Variants in RGS20 observed in about 807,000 individuals in gnomAD.
The protein encoded by RGS20 is regulator of G protein signaling 20, also known as gz-selective GTPase-activating protein.
A neutral mutation model predicts 33.6 loss-of-function variants in RGS20; 30 were observed. That is an observed-to-expected ratio of 0.89 (90% confidence interval 0.67 to 1.21). RGS20 has a LOEUF of 1.21. Ranked by LOEUF, RGS20 falls within the 50% of genes most tolerant of loss-of-function variation. The pLI is 0.00. For synonymous variants in RGS20, 208 were observed against 197.9 expected, an observed-to-expected ratio of 1.05 and a Z score of -0.43; for missense variants, 472 against 502.4, an observed-to-expected ratio of 0.94 and a Z score of 0.58.
intron 2 of RGS20, among the ~76,000 whole-genome samples, chr8:53,891,480 G>A (rs1812707328): frequency 6.6e-6 from 1 of 152,082 alleles, no homozygotes; most frequent in Non-Finnish European, 1.5e-5. Flanking sequence ...AATTAGCCAG[G>A]TGTGGTGGCG....
intron 1 of RGS20, among the ~76,000 whole-genome samples, chr8:53,872,243 TTC>T (rs2129271756): frequency 6.6e-6 from 1 of 152,352 alleles, no homozygotes; most frequent in Non-Finnish European, 1.5e-5. Context: ...AGTCATCATC[TTC>T]TTTCTTATTC....
intron 2 of RGS20, among the ~76,000 whole-genome samples, chr8:53,922,746 C>T (rs550994339): frequency 4.1e-4 from 63 of 152,202 alleles, no homozygotes; most frequent in South Asian, 1.7e-3. Flanking sequence ...AATCATAGCT[C>T]GAACTCCTGG....
chr8:53,937,310 T>TAAAC (rs1814163831), intron 2 of RGS20, among the ~76,000 whole-genome samples: 1 of 151,200 alleles, frequency 6.6e-6, no homozygotes, highest in African/African-American at 2.4e-5. Flanking sequence ...AATAAATAAA[T>TAAAC]AAACATAAAA....
intron 4 of RGS20, among the ~76,000 whole-genome samples, chr8:53,953,107 A>C (rs1390975951): frequency 6.6e-6 from 1 of 152,226 alleles, no homozygotes; most frequent in Non-Finnish European, 1.5e-5. Context: ...TAATGAGTAC[A>C]ATGTACACTA....
At chr8:53,938,057 T>A (rs1029182909) in intron 2 of RGS20, among the ~76,000 whole-genome samples, 2 of 152,150 alleles carry the variant, frequency 1.3e-5, no homozygotes, top group Non-Finnish European at 1.5e-5. Flanking sequence ...GGATTAGAAA[T>A]CATTCTACTA....
At chr8:53,856,052 T>C (rs1013089598) in intron 1 of RGS20, among the ~76,000 whole-genome samples, 1 of 152,186 alleles carries the variant, frequency 6.6e-6, no homozygotes, top group African/African-American at 2.4e-5. Flanking sequence ...GACTGTAGTT[T>C]CCTGGGCTTG....
chr8:53,856,445 C>G (rs965623889), intron 1 of RGS20, among the ~76,000 whole-genome samples: 1 of 152,126 alleles, frequency 6.6e-6, no homozygotes, highest in South Asian at 2.1e-4. Flanking sequence ...TCACAGACTC[C>G]TGATCTCATG....
At chr8:53,929,443 G>T (rs1197395577) in intron 2 of RGS20, among the ~76,000 whole-genome samples, 1 of 152,144 alleles carries the variant, frequency 6.6e-6, no homozygotes, top group Non-Finnish European at 1.5e-5. Context: ...CACTTTGGGA[G>T]GCTGAGGCGG....
intron 2 of RGS20, among the ~76,000 whole-genome samples, chr8:53,908,861 A>T (rs539093886): frequency 6.6e-6 from 1 of 152,198 alleles, no homozygotes; most frequent in African/African-American, 2.4e-5. Flanking sequence ...ATAAAGCAGC[A>T]TTCAAAATCA....
chr8:53,866,885 T>C (rs1811932712), intron 1 of RGS20, among the ~76,000 whole-genome samples: 1 of 152,152 alleles, frequency 6.6e-6, no homozygotes, highest in African/African-American at 2.4e-5. Context: ...TATGCTCTGC[T>C]TCCTCTGTAA....
intron 2 of RGS20, among the ~76,000 whole-genome samples, chr8:53,923,893 T>C (rs1813719832): frequency 6.6e-6 from 1 of 152,234 alleles, no homozygotes; most frequent in South Asian, 2.1e-4. Context: ...TAAATGTAAA[T>C]GATTTCTTCA....
chr8:53,853,149 CA>C (rs989028662), intron 1 of RGS20, among the ~76,000 whole-genome samples: 7 of 152,194 alleles, frequency 4.6e-5, no homozygotes, highest in South Asian at 4.1e-4. Flanking sequence ...GCGACACATG[CA>C]AAAGATATTT....
At chr8:53,880,848 G>A in intron 2 of RGS20, 24 bp from the exon 1 acceptor site, 1 of 1,402,974 alleles carries the variant, frequency 7.1e-7, no homozygotes, top group East Asian at 2.9e-5. Flanking sequence ...CCGGGTAAAA[G>A]GAGTGAGGGG....
chr8:53,951,242 T>C (rs1408088591), intron 4 of RGS20, among the ~76,000 whole-genome samples: 1 of 152,218 alleles, frequency 6.6e-6, no homozygotes, highest in African/African-American at 2.4e-5. Context: ...CCCAGCACTT[T>C]GGGAGACCAA....
chr8:53,889,412 CTTTTTTTTTTTTTTTTTTTTTTTTTTTT>C (rs34316630), intron 2 of RGS20, among the ~76,000 whole-genome samples: 1 of 41,834 alleles, frequency 2.4e-5, no homozygotes, highest in Non-Finnish European at 6.2e-5. Flanking sequence ...CTCTCTCTCT[CTTTTTTTTTTTTTTTTTTTTTTTTTTTT>C]TTTTTTTTTT....
chr8:53,927,450 C>A (rs1353294044), intron 2 of RGS20, among the ~76,000 whole-genome samples: 1 of 152,128 alleles, frequency 6.6e-6, no homozygotes, highest in Admixed American at 6.6e-5. Context: ...AGCGATCCAC[C>A]CGCCTCATCC....
chr8:53,907,307 C>T (rs190289309), intron 2 of RGS20, among the ~76,000 whole-genome samples: 2 of 152,170 alleles, frequency 1.3e-5, no homozygotes, highest in East Asian at 3.9e-4. Context: ...AGAATCTTGG[C>T]TGGGCGCGGT....
At chr8:53,956,403 C>G (rs1189848077) in intron 5 of RGS20, among the ~76,000 whole-genome samples, 1 of 152,152 alleles carries the variant, frequency 6.6e-6, no homozygotes, top group Non-Finnish European at 1.5e-5. Flanking sequence ...TTTATATCAT[C>G]AAATTTTGAT....
Position 53,947,381 on chromosome 8 carries a change from AT to A in RGS20, c.743+636del, listed in dbSNP as rs1452412248. Among the ~76,000 whole-genome samples the A allele has an allele frequency of 1.7e-4, 19 of 113,702 alleles. 1 individual carries two copies. The East Asian group carries it at 2.9e-3, about 17-fold the overall frequency. The allele number at this position is 113,702 out of a possible 152,430, so 74.6% of individuals were successfully genotyped here. A position where few individuals can be genotyped will look rare whatever the true frequency, so the allele number is the denominator to read the frequency against. ...ATATGCTATATATAAGATATAGTAT[AT>A]TTATATATGCTATATATAAGATATA... On this transcript the variant is annotated intron_variant, in intron 4 of 5. Coordinates refer to ENST00000297313, the MANE Select transcript of RGS20 (RefSeq NM_170587.4).
Sources: allele counts gnomAD v4.1 joint callset (sites outside exome capture counted in the v4.1 genomes callset), GRCh38; gene constraint gnomAD v4.1.1; transcripts MANE v1.5; gene names NCBI Gene and HGNC (gene_info 2026-07-23, HGNC 2026-07-21).